Variants in NTM observed in about 807,000 individuals in gnomAD.
The protein encoded by NTM is neurotrimin.
A neutral mutation model predicts 42.1 loss-of-function variants in NTM; 13 were observed. The ratio of observed to expected loss-of-function variants is 0.31; its 90% confidence interval spans 0.20 to 0.49. NTM has a LOEUF of 0.49. Ranked by LOEUF, NTM falls within the 20% of genes least tolerant of loss-of-function variation. The probability of loss-of-function intolerance (pLI) is 0.99; values close to 1 mark genes in which losing one functional copy is unlikely to be tolerated. For synonymous variants in NTM, 187 were observed against 179.2 expected (o/e 1.04, Z -0.35); for missense variants, 373 against 452.8 (o/e 0.82, Z 1.60).
intron 2 of NTM, among the ~76,000 whole-genome samples, chr11:132,013,126 A>AG (rs2072602171): frequency 6.6e-6 from 1 of 152,132 alleles, no homozygotes; most frequent in African/African-American, 2.4e-5. Context: ...GATTTTCACA[A>AG]GGGGCAGCTG....
At chr11:131,816,479 A>G (rs1241304529) in intron 1 of NTM, among the ~76,000 whole-genome samples, 1 of 151,992 alleles carries the variant, frequency 6.6e-6, no homozygotes, top group Non-Finnish European at 1.5e-5. Context: ...TTGTTAATAG[A>G]GATTACAGAC....
intron 1 of NTM, among the ~76,000 whole-genome samples, chr11:131,586,934 G>A (rs926579800): frequency 6.6e-6 from 1 of 152,052 alleles, no homozygotes; most frequent in African/African-American, 2.4e-5. Flanking sequence ...GAGGTATCAG[G>A]CAATCTACTA....
chr11:131,687,748 C>T lies in NTM; in HGVS notation c.83-223816C>T, dbSNP rs1034528917. 2.0e-5 allele frequency among the ~76,000 whole-genome samples: 3 copies of T among 152,064 alleles called. No individual in the cohort carries two copies. The South Asian group carries it at 6.2e-4, about 32-fold the overall frequency. On this transcript the variant is annotated intron_variant, in intron 1 of 8. Transcript: ENST00000683400. ...GGAGTGCCACTGGGAGAGGGACAGG[C>T]GGCCACAGGCGAGGGGGCCCCTGGG... is the stretch of plus-strand genomic sequence containing the variant.
chr11:131,890,118 C>T (rs1329841465), intron 1 of NTM, among the ~76,000 whole-genome samples: 1 of 151,130 alleles, frequency 6.6e-6, no homozygotes, highest in East Asian at 2.0e-4. Context: ...ATGCACAGCA[C>T]ACACAGGCCC....
At chr11:131,429,750 G>A (rs1195571279) in intron 1 of NTM, among the ~76,000 whole-genome samples, 1 of 152,090 alleles carries the variant, frequency 6.6e-6, no homozygotes, top group East Asian at 1.9e-4. Context: ...AGGGTTTTCT[G>A]CTCACACAGT....
chr11:131,728,404 G>C (rs2079212180), intron 1 of NTM, among the ~76,000 whole-genome samples: 1 of 152,134 alleles, frequency 6.6e-6, no homozygotes, highest in Admixed American at 6.5e-5. Flanking sequence ...TATTATAAAG[G>C]GTATTGCAAA....
At chr11:131,690,905 G>C (rs1284883378) in intron 1 of NTM, among the ~76,000 whole-genome samples, 1 of 152,198 alleles carries the variant, frequency 6.6e-6, no homozygotes. Context: ...GAAATGTCAA[G>C]GGGCGGGTGG....
chr11:132,192,433 G>C (rs2079461603), intron 3 of NTM, among the ~76,000 whole-genome samples: 1 of 152,164 alleles, frequency 6.6e-6, no homozygotes, highest in Non-Finnish European at 1.5e-5. Flanking sequence ...AAGCAAAGGA[G>C]AAATACAATC....
intron 1 of NTM, among the ~76,000 whole-genome samples, chr11:131,869,923 T>G (rs1014579614): frequency 2.0e-5 from 3 of 152,202 alleles, no homozygotes; most frequent in Non-Finnish European, 4.4e-5. Flanking sequence ...CAGCCGATAT[T>G]TACTGATCAC....
chr11:131,940,940 T>A (rs927494763), intron 2 of NTM, among the ~76,000 whole-genome samples: 1 of 152,210 alleles, frequency 6.6e-6, no homozygotes, highest in African/African-American at 2.4e-5. Flanking sequence ...CGGGTGCAAA[T>A]GATAAAATTT....
chr11:132,124,796 A>G (rs2065404977), intron 2 of NTM, among the ~76,000 whole-genome samples: 1 of 152,222 alleles, frequency 6.6e-6, no homozygotes, highest in East Asian at 1.9e-4. Context: ...CCTCAGCAAC[A>G]TAACAAGACC....
chr11:131,813,894 C>T (rs537450373), intron 1 of NTM, among the ~76,000 whole-genome samples: 6 of 152,096 alleles, frequency 3.9e-5, no homozygotes, highest in African/African-American at 1.4e-4. Context: ...AGCCCTCATT[C>T]TCCTCATTCG....
intron 4 of NTM, among the ~76,000 whole-genome samples, chr11:132,273,907 C>G (rs1644613454): frequency 6.6e-6 from 1 of 151,966 alleles, no homozygotes; most frequent in African/African-American, 2.4e-5. Context: ...AACTCCATCT[C>G]AAAACAAAAC....
intron 3 of NTM, among the ~76,000 whole-genome samples, chr11:132,161,158 A>G (rs1419274370): frequency 1.3e-5 from 2 of 151,702 alleles, no homozygotes; most frequent in Non-Finnish European, 2.9e-5. Flanking sequence ...GGTGAGGAGG[A>G]GTTGAGCTCC....
At chr11:132,239,474 G>C (rs1566552600) in intron 4 of NTM, among the ~76,000 whole-genome samples, 1 of 152,132 alleles carries the variant, frequency 6.6e-6, no homozygotes, top group Non-Finnish European at 1.5e-5. Context: ...AACTAAGGTG[G>C]GGCTGTTATG....
chr11:131,555,000 T>C (rs2055209139), intron 1 of NTM, among the ~76,000 whole-genome samples: 1 of 152,188 alleles, frequency 6.6e-6, no homozygotes, highest in South Asian at 2.1e-4. Context: ...ATACACTTTC[T>C]AAATCACCAT....
intron 3 of NTM, among the ~76,000 whole-genome samples, chr11:132,149,827 G>A (rs2071451306): frequency 6.6e-6 from 1 of 152,160 alleles, no homozygotes; most frequent in African/African-American, 2.4e-5. Flanking sequence ...AGAGAACTGA[G>A]CCAAGTAGCT....
At chr11:131,524,911 A>G (rs2050242754) in intron 1 of NTM, among the ~76,000 whole-genome samples, 1 of 152,216 alleles carries the variant, frequency 6.6e-6, no homozygotes, top group Non-Finnish European at 1.5e-5. Context: ...AAAGGGGTCA[A>G]TAGTTCTTGC....
chr11:131,470,465 G>C (rs892055846), intron 1 of NTM, among the ~76,000 whole-genome samples: 1 of 152,168 alleles, frequency 6.6e-6, no homozygotes, highest in South Asian at 2.1e-4. Context: ...TTTCTGATGA[G>C]AGAGTAATTA....
Sources: allele counts gnomAD v4.1 joint callset (sites outside exome capture counted in the v4.1 genomes callset), GRCh38; gene constraint gnomAD v4.1.1; transcripts MANE v1.5; gene names NCBI Gene and HGNC (gene_info 2026-07-23, HGNC 2026-07-21).